Variants in TRMT44 observed in about 807,000 individuals in gnomAD.
TRMT44 encodes tRNA methyltransferase 44 homolog, also known as probable tRNA (uracil-O(2)-)-methyltransferase.
In TRMT44, 78 loss-of-function variants were observed where a neutral mutation model predicts 77.3. The ratio of observed to expected loss-of-function variants is 1.01; its 90% CI spans 0.84 to 1.22. The LOEUF (loss-of-function observed/expected upper bound fraction) is 1.22. Ranked by LOEUF, TRMT44 falls within the 50% of genes most tolerant of loss-of-function variation. The probability of loss-of-function intolerance (pLI) is 0.00; values close to 1 mark genes in which losing one functional copy is unlikely to be tolerated. For missense variants in TRMT44, 1,090 were observed against 964.4 expected (o/e 1.13, Z -1.73); for synonymous variants, 391 against 383.3 (o/e 1.02, Z -0.23).
At chr4:8,515,110 C>T in the TRMT44 span, among the ~76,000 whole-genome samples, 2 of 152,188 alleles carry the variant, frequency 1.3e-5, no homozygotes, top group Non-Finnish European at 2.9e-5. Flanking sequence ...GGACTACAGA[C>T]GTGTGCCACC....
the TRMT44 span, among the ~76,000 whole-genome samples, chr4:8,507,742 A>T: frequency 2.0e-5 from 3 of 152,160 alleles, no homozygotes; most frequent in African/African-American, 7.2e-5. Context: ...GGAGTCCAGG[A>T]AAAACTTGAG....
intron 2 of TRMT44, among the ~76,000 whole-genome samples, chr4:8,485,059 G>C (rs567906280): frequency 2.6e-5 from 4 of 152,260 alleles, no homozygotes; most frequent in Admixed American, 6.5e-5. Context: ...TCAATATATT[G>C]AATAAGGTGA....
the TRMT44 span, among the ~76,000 whole-genome samples, chr4:8,500,925 G>T: frequency 6.6e-6 from 1 of 152,198 alleles, no homozygotes; most frequent in Admixed American, 6.5e-5. Flanking sequence ...GCCTCCCAAG[G>T]TGCTGGGAAG....
chr4:8,466,322 G>A (rs1726541579), intron 8 of TRMT44, among the ~76,000 whole-genome samples: 1 of 150,682 alleles, frequency 6.6e-6, no homozygotes, highest in Non-Finnish European at 1.5e-5. Context: ...GGTGCACTCG[G>A]GCTGATCGCG....
chr4:8,471,207 A>G lies in TRMT44; in HGVS notation c.2044+7A>G, dbSNP rs759043946. 2.0e-6 allele frequency: 3 copies of G among 1,536,372 alleles called. No homozygotes were observed. In the Admixed American group the frequency reaches 6.1e-5, roughly 31 times the overall value. On this transcript the variant is annotated splice_region_variant and intron_variant, in intron 10 of 10. Coordinates refer to ENST00000389737, the MANE Select transcript of TRMT44 (RefSeq NM_152544.3). ...AGCCACCAGGTGTTCCAAGGTACGG[A>G]GTCCGCCTCTCCCCCGCCGTTCTTT...
intron 2 of TRMT44, among the ~76,000 whole-genome samples, chr4:8,482,908 TG>T (rs61003947): frequency 0.038 from 3,066 of 81,148 alleles, 62 homozygotes; most frequent in African/African-American, 0.088. Flanking sequence ...GCAAAAATTT[TG>T]GGGGGGGTGG....
At chr4:8,465,590 C>T (rs368588564) in intron 8 of TRMT44, 29 bp downstream of exon 8, 502 of 1,577,716 alleles carry the variant, frequency 3.2e-4, no homozygotes, top group Non-Finnish European at 3.9e-4. Flanking sequence ...TTGTTCTAGG[C>T]GGTGTGTCGG....
At chr4:8,503,047 A>G in the TRMT44 span, among the ~76,000 whole-genome samples, 2 of 152,230 alleles carry the variant, frequency 1.3e-5, no homozygotes, top group African/African-American at 4.8e-5. Context: ...CTCCCACATG[A>G]GAGGCAGAGG....
intron 6 of TRMT44, 46 bp from the exon 7 acceptor site, chr4:8,463,939 T>C (rs745970038): frequency 2.6e-6 from 4 of 1,544,714 alleles, no homozygotes; most frequent in Non-Finnish European, 2.7e-6. Context: ...GCAGTAGCTC[T>C]ACAATGATTC....
exon 3 of TRMT44, chr4:8,493,354 C>T (rs1265518113): frequency 6.6e-6 from 1 of 152,206 alleles, no homozygotes; most frequent in Non-Finnish European, 1.5e-5. Context: ...ATGGACTCAG[C>T]TCAAGAGGAC....
chr4:8,470,141 C>T (rs1367724276), intron 9 of TRMT44, among the ~76,000 whole-genome samples: 2 of 152,226 alleles, frequency 1.3e-5, no homozygotes, highest in Non-Finnish European at 2.9e-5. Context: ...CTGACTGGGA[C>T]AATATGTGAT....
chr4:8,472,275 C>A (rs144062836), intron 10 of TRMT44, among the ~76,000 whole-genome samples: 10 of 152,238 alleles, frequency 6.6e-5, no homozygotes, highest in African/African-American at 1.9e-4. Context: ...CAGAGAACAG[C>A]TTTAGGCAGA....
In TRMT44 at chr4:8,441,349, A is replaced by T; in HGVS notation, c.527A>T (p.Gln176Leu). Residue 176 changes from glutamine to leucine, a missense_variant, in exon 1 of 11, where the codon CAG becomes CTG. Gln to Leu is a moderately radical substitution (Grantham distance 113). Coordinates refer to ENST00000389737, the MANE Select transcript of TRMT44 (RefSeq NM_152544.3). Reference sequence around the variant, plus strand: ...GGGGCGGGATCGCAGCCAGAGGCGCAGCGTGAGCTCGACGTGGTTCTCAGA... The same window carrying T: ...GGGGCGGGATCGCAGCCAGAGGCGCTGCGTGAGCTCGACGTGGTTCTCAGA... ...SSGAGSQPEAQRELDVVLRTV... is the reference protein window; with the variant it reads ...SSGAGSQPEALRELDVVLRTV... 6.5e-7 allele frequency: 1 copy of T among 1,535,206 alleles called. No individual in the cohort carries two copies. The highest frequency in any genetic ancestry group is 8.7e-7 in the Non-Finnish European group (1 of 1,146,408).
intron 6 of TRMT44, among the ~76,000 whole-genome samples, chr4:8,458,487 G>A (rs1198363969): frequency 4.2e-5 from 6 of 143,170 alleles, no homozygotes; most frequent in African/African-American, 1.1e-4. Flanking sequence ...TTTTTGAGAC[G>A]GAGTCTTGCT....
intron 5 of TRMT44, 120 bp from the exon 6 acceptor site, chr4:8,454,622 A>G (rs1725675324): frequency 1.1e-6 from 1 of 881,208 alleles, no homozygotes; most frequent in South Asian, 1.5e-5. Flanking sequence ...AGTTGCTGGC[A>G]GGAAGCTCTT....
intron 8 of TRMT44, among the ~76,000 whole-genome samples, chr4:8,466,291 C>T (rs1031845853): frequency 2.0e-5 from 3 of 152,234 alleles, no homozygotes; most frequent in African/African-American, 7.2e-5. Flanking sequence ...TGAGTGAAGC[C>T]TCGGCTCTGC....
chr4:8,475,471 C>G (rs371186634), intron 10 of TRMT44, among the ~76,000 whole-genome samples: 95 of 152,286 alleles, frequency 6.2e-4, no homozygotes, highest in African/African-American at 1.8e-3. Context: ...TGCAGTCTGT[C>G]CTGGGACACT....
chr4:8,508,609 G>C, the TRMT44 span, among the ~76,000 whole-genome samples: 1 of 152,252 alleles, frequency 6.6e-6, no homozygotes, highest in Non-Finnish European at 1.5e-5. Context: ...TTCATGGCCG[G>C]GGTCTGGCTG....
chr4:8,502,519 G>A, the TRMT44 span, among the ~76,000 whole-genome samples: 3,293 of 152,360 alleles, frequency 0.022, 60 homozygotes, highest in African/African-American at 0.05. Context: ...CACGGTACCA[G>A]CCAGGGCGTT....
Sources: gnomAD v4.1 joint callset for allele counts (sites outside exome capture counted in the v4.1 genomes callset) on GRCh38, gnomAD v4.1.1 for gene constraint, MANE v1.5 for transcripts, NCBI Gene and HGNC (gene_info 2026-07-23, HGNC 2026-07-21) for gene names.